KIF21A: variants seen among roughly 807,000 people sequenced by gnomAD.
KIF21A encodes kinesin-like protein KIF21A.
KIF21A carries 114 observed loss-of-function variants against 202.9 expected under a neutral mutation model. The ratio of observed to expected loss-of-function variants is 0.56; its 90% CI spans 0.48 to 0.66. The LOEUF is 0.66. KIF21A is among the 30% of genes least tolerant of loss of function. The pLI, the probability that KIF21A is intolerant of heterozygous loss-of-function variation, is 0.00. For missense variants in KIF21A, 1,677 were observed against 1,994.9 expected, an observed-to-expected ratio of 0.84 and a Z score of 3.04; for synonymous variants, 667 against 670.8, an observed-to-expected ratio of 0.99 and a Z score of 0.09.
intron 11 of KIF21A, among the ~76,000 whole-genome samples, chr12:39,348,404 C>G (rs1443809375): frequency 6.6e-6 from 1 of 152,010 alleles, no homozygotes; most frequent in Non-Finnish European, 1.5e-5. Context: ...AAAATAAGCA[C>G]AAAAAGGTAG....
intron 1 of KIF21A, among the ~76,000 whole-genome samples, chr12:39,406,997 CA>C (rs1952644655): frequency 6.6e-6 from 1 of 152,166 alleles, no homozygotes. Context: ...ACTTTGCTTT[CA>C]ATATTGTTAA....
At chr12:39,307,756 A>C in intron 33 of KIF21A, 27 bp from the exon 34 acceptor site, 1 of 1,609,784 alleles carries the variant, frequency 6.2e-7, no homozygotes, top group Non-Finnish European at 8.5e-7. Context: ...AAAGCAAAAA[A>C]GTCACACTTC....
intron 26 of KIF21A, among the ~76,000 whole-genome samples, chr12:39,323,471 A>G (rs1945511802): frequency 6.6e-6 from 1 of 152,146 alleles, no homozygotes; most frequent in Admixed American, 6.5e-5. Flanking sequence ...TCTTCCCATG[A>G]TGCCTTAAAT....
intron 6 of KIF21A, 113 bp downstream of exon 6, chr12:39,366,237 T>C: frequency 1.1e-6 from 1 of 911,310 alleles, no homozygotes; most frequent in Non-Finnish European, 1.8e-6. Context: ...TCTATAATTT[T>C]CATTTCTTGG....
chr12:39,415,858 T>C (rs1229870487), intron 1 of KIF21A, among the ~76,000 whole-genome samples: 2 of 152,200 alleles, frequency 1.3e-5, no homozygotes, highest in African/African-American at 4.8e-5. Context: ...GCTATTGTAT[T>C]TGGATTCCCT....
At chr12:39,344,681 A>G (rs1378603065) in intron 12 of KIF21A, among the ~76,000 whole-genome samples, 2 of 152,210 alleles carry the variant, frequency 1.3e-5, no homozygotes, top group Non-Finnish European at 2.9e-5. Flanking sequence ...ATCAGCAGTC[A>G]TAACTTTACA....
chr12:39,347,561 T>G (rs1317958541), intron 11 of KIF21A, among the ~76,000 whole-genome samples: 1 of 152,064 alleles, frequency 6.6e-6, no homozygotes, highest in Non-Finnish European at 1.5e-5. Context: ...CCAGTTCTTT[T>G]CATTTTAATT....
At chr12:39,392,027 C>A (rs571238981) in intron 1 of KIF21A, among the ~76,000 whole-genome samples, 1 of 152,030 alleles carries the variant, frequency 6.6e-6, no homozygotes, top group Non-Finnish European at 1.5e-5. Context: ...AATGAGCCAC[C>A]GCACCCAGCC....
rs746716611 is a variant in KIF21A, at chr12:39,332,353, A to G, written c.2912T>C (p.Ile971Thr). The change falls in exon 21 of 38, where the codon ATA becomes ACA. Residue 971 changes from isoleucine to threonine, a missense_variant. Around this residue, in one of 3 missense-constraint regions of KIF21A, gnomAD observed 966 missense variants for 1,180.9 expected, o/e 0.82. Transcript: ENST00000361418. ...REKLSKRREK[I>T]VKENGEGDKN... ...ATCTCCCTCTCCATTCTCCTTGACT[A>G]TCTTCTCCCTTCTTTTTGAAAGTTT... 6.2e-7 allele frequency: 1 copy of G among 1,613,794 alleles called. No individual in the cohort carries two copies.
At chr12:39,376,033 C>A (rs190622180) in intron 1 of KIF21A, among the ~76,000 whole-genome samples, 1 of 152,020 alleles carries the variant, frequency 6.6e-6, no homozygotes, top group Non-Finnish European at 1.5e-5. Flanking sequence ...CTTGGGCCTT[C>A]CCATGTGTTA....
rs530102637 is a variant in KIF21A, at chr12:39,315,522, T to C, written c.3948-282A>G. The stretch of plus-strand genomic sequence containing the variant: ...CTTTTTTTCTCTAGCATATTTTTAT[T>C]TTTAATCATATAATCTTTTTACTTA... On this transcript the variant is annotated intron_variant, in intron 30 of 37. Transcript: ENST00000361418. Among the ~76,000 whole-genome samples, 399 of 152,142 alleles carry C rather than the reference T, an allele frequency of 2.6e-3. 3 individuals are homozygous for C. Among genetic ancestry groups the C allele is most frequent in the African/African-American group, 8.7e-3 (361 of 41,560 alleles).
At chr12:39,311,631 T>G in intron 31 of KIF21A, 78 bp from the exon 32 acceptor site, 3 of 1,492,296 alleles carry the variant, frequency 2.0e-6, no homozygotes, top group Non-Finnish European at 2.8e-6. Flanking sequence ...GTTTTGTTTT[T>G]TTCCCCTAAC....
At position 39,416,759 on chromosome 12, in the gene KIF21A, A is replaced by ATG. The variant is rs1449010132; in HGVS notation, c.44+26166_44+26167dup. 9.3e-5 allele frequency among the ~76,000 whole-genome samples: 12 copies of ATG among 128,740 alleles called. No homozygotes were observed. The East Asian group carries it at 1.9e-3, about 21-fold the overall frequency. 84.5% of individuals were successfully genotyped at this position (128,740 alleles called of 152,430 possible). A position where few individuals can be genotyped will look rare whatever the true frequency, so the allele number is the denominator to read the frequency against. On this transcript the variant is annotated intron_variant, in intron 1 of 37. Coordinates refer to ENST00000361418, the MANE Select transcript of KIF21A (RefSeq NM_001173464.2). ...TGTGTATATATATATGTACATATAT[A>ATG]TGTGTATATATATATGTACATATAT...
chr12:39,326,405 A>G, intron 24 of KIF21A, 81 bp from the exon 25 acceptor site: 1 of 904,874 alleles, frequency 1.1e-6, no homozygotes, highest in Non-Finnish European at 1.8e-6. Context: ...GCTGTAATAA[A>G]CAACAGCTCA....
At chr12:39,332,473 A>AGGGC in intron 20 of KIF21A, 65 bp from the exon 21 acceptor site, 2 of 787,520 alleles carry the variant, frequency 2.5e-6, no homozygotes, top group Non-Finnish European at 4.0e-6. Context: ...GTACCATCAA[A>AGGGC]CCCCCCCACC....
At chr12:39,358,763 C>T (rs1373369665) in intron 7 of KIF21A, among the ~76,000 whole-genome samples, 1 of 152,168 alleles carries the variant, frequency 6.6e-6, no homozygotes, top group Non-Finnish European at 1.5e-5. Context: ...TCACCAGTAT[C>T]CTGACTTTTG....
chr12:39,392,108 T>C (rs1208371906), intron 1 of KIF21A, among the ~76,000 whole-genome samples: 1 of 152,022 alleles, frequency 6.6e-6, no homozygotes, highest in Non-Finnish European at 1.5e-5. Context: ...AGTCAGGGGA[T>C]AAGACACAGT....
chr12:39,392,085 T>A (rs1271925826), intron 1 of KIF21A, among the ~76,000 whole-genome samples: 1 of 151,788 alleles, frequency 6.6e-6, no homozygotes, highest in Non-Finnish European at 1.5e-5. Flanking sequence ...ATGGAAATAA[T>A]CACAAAAGCA....
At chr12:39,409,906 A>G (rs1193300948) in intron 1 of KIF21A, among the ~76,000 whole-genome samples, 2 of 150,674 alleles carry the variant, frequency 1.3e-5, no homozygotes, top group African/African-American at 2.4e-5. Flanking sequence ...ATCTTGGCTC[A>G]CTGCAACCTT....
Sources: gnomAD v4.1 joint callset for allele counts (sites outside exome capture counted in the v4.1 genomes callset) on GRCh38, gnomAD v4.1.1 for gene constraint, gnomAD v4.1.1 regional missense constraint, MANE v1.5 for transcripts, NCBI Gene and HGNC (gene_info 2026-07-23, HGNC 2026-07-21) for gene names.